Variants in CNTN5 observed in about 807,000 individuals in gnomAD.
CNTN5 encodes contactin 5, also known as contactin-5.
Under a neutral mutation model 129.1 loss-of-function variants are expected in CNTN5, and 77 were observed. That is an observed-to-expected ratio of 0.60 (90% CI 0.50 to 0.72). The LOEUF is 0.72. CNTN5 is among the 30% of genes least tolerant of loss of function. The pLI is 0.00. For synonymous variants in CNTN5, 509 were observed against 465.6 expected, an observed-to-expected ratio of 1.09 and a Z score of -1.20; for missense variants, 1,478 against 1,328.8, an observed-to-expected ratio of 1.11 and a Z score of -1.75.
intron 2 of CNTN5, among the ~76,000 whole-genome samples, chr11:99,469,054 T>G (rs2135267250): frequency 6.6e-6 from 1 of 151,564 alleles, no homozygotes; most frequent in South Asian, 2.1e-4. Flanking sequence ...AAGTTTAAAA[T>G]TAGCTTTTAT....
chr11:100,291,413 G>A (rs1239078109), intron 18 of CNTN5, among the ~76,000 whole-genome samples: 2 of 146,322 alleles, frequency 1.4e-5, no homozygotes, highest in African/African-American at 2.5e-5. Flanking sequence ...ATACACCATG[G>A]AATACTATGC....
chr11:100,053,783 T>C (rs1943082945), intron 9 of CNTN5, among the ~76,000 whole-genome samples: 1 of 151,808 alleles, frequency 6.6e-6, no homozygotes, highest in South Asian at 2.1e-4. Context: ...TTATTCATAA[T>C]AGCCTAAAAC....
chr11:99,548,197 A>G (rs1202147345), intron 2 of CNTN5, among the ~76,000 whole-genome samples: 1 of 152,198 alleles, frequency 6.6e-6, no homozygotes, highest in Admixed American at 6.5e-5. Flanking sequence ...TTGATTTAAT[A>G]GAAAGAGGTA....
chr11:100,328,975 T>C (rs1307085123), intron 21 of CNTN5, among the ~76,000 whole-genome samples: 1 of 152,116 alleles, frequency 6.6e-6, no homozygotes, highest in African/African-American at 2.4e-5. Context: ...CTTGAGATGC[T>C]AAAAAACTGA....
chr11:99,162,986 G>A (rs1860689932), intron 1 of CNTN5, among the ~76,000 whole-genome samples: 1 of 152,150 alleles, frequency 6.6e-6, no homozygotes, highest in South Asian at 2.1e-4. Flanking sequence ...TTCTTAATTT[G>A]ATATGCGACA....
At chr11:99,857,814 A>G (rs972892146) in intron 6 of CNTN5, among the ~76,000 whole-genome samples, 3 of 152,176 alleles carry the variant, frequency 2.0e-5, no homozygotes, top group East Asian at 1.9e-4. Flanking sequence ...ATATAGTTCT[A>G]TAATTCTAGC....
chr11:100,051,324 T>C (rs1326365280), intron 9 of CNTN5, among the ~76,000 whole-genome samples: 1 of 152,034 alleles, frequency 6.6e-6, no homozygotes, highest in African/African-American at 2.4e-5. Context: ...AATTAAATTA[T>C]GTATCAATAA....
intron 9 of CNTN5, among the ~76,000 whole-genome samples, chr11:100,022,717 T>A (rs571950301): frequency 6.6e-6 from 1 of 152,222 alleles, no homozygotes; most frequent in East Asian, 1.9e-4. Context: ...CTAATAATTA[T>A]GAATTATTTC....
chr11:100,241,212 TATTCGTAC>T (rs1299100977), intron 16 of CNTN5, among the ~76,000 whole-genome samples: 5 of 152,222 alleles, frequency 3.3e-5, no homozygotes, highest in Admixed American at 3.3e-4. Context: ...TATTTGTAAT[TATTCGTAC>T]CAGTTTGTAA....
intron 17 of CNTN5, among the ~76,000 whole-genome samples, chr11:100,269,107 A>C (rs1392268827): frequency 1.3e-5 from 2 of 152,238 alleles, no homozygotes; most frequent in Non-Finnish European, 2.9e-5. Context: ...ATGGAGACTG[A>C]TAAGGCGTAG....
chr11:100,165,357 A>G (rs1947594850), intron 13 of CNTN5, among the ~76,000 whole-genome samples: 1 of 151,776 alleles, frequency 6.6e-6, no homozygotes, highest in South Asian at 2.1e-4. Flanking sequence ...TTTCTCACAT[A>G]GCAGGTGCTC....
At chr11:100,349,314 C>G (rs1044742606) in intron 23 of CNTN5, among the ~76,000 whole-genome samples, 1 of 151,780 alleles carries the variant, frequency 6.6e-6, no homozygotes, top group Admixed American at 6.6e-5. Context: ...AAATATATGT[C>G]AATAATTATC....
intron 7 of CNTN5, among the ~76,000 whole-genome samples, chr11:99,946,721 G>A (rs11221996): frequency 0.41 from 62,503 of 151,662 alleles, 13,162 homozygotes; most frequent in African/African-American, 0.48. Context: ...GTTCAAAACA[G>A]TGGCCACTCA....
At chr11:99,552,565 C>T (rs1408318745) in intron 2 of CNTN5, among the ~76,000 whole-genome samples, 1 of 152,090 alleles carries the variant, frequency 6.6e-6, no homozygotes, top group Admixed American at 6.6e-5. Context: ...CTAGAAAGAA[C>T]AGTCTGCAAT....
At chr11:99,128,457 C>T (rs1858756984) in intron 1 of CNTN5, among the ~76,000 whole-genome samples, 1 of 145,772 alleles carries the variant, frequency 6.9e-6, no homozygotes, top group South Asian at 2.2e-4. Context: ...TCCAGCAATT[C>T]CAGCCAGGCC....
intron 2 of CNTN5, among the ~76,000 whole-genome samples, chr11:99,437,126 T>C (rs1257523913): frequency 1.3e-5 from 2 of 152,154 alleles, no homozygotes; most frequent in Non-Finnish European, 2.9e-5. Context: ...AGTAAAGAAT[T>C]GAAAATGAAA....
At chr11:99,891,010 T>G (rs1242123945) in intron 6 of CNTN5, among the ~76,000 whole-genome samples, 1 of 152,096 alleles carries the variant, frequency 6.6e-6, no homozygotes. Context: ...AAGGGAAGTA[T>G]GAGAAACTGT....
intron 1 of CNTN5, among the ~76,000 whole-genome samples, chr11:99,036,927 A>G (rs1046083119): frequency 2.0e-5 from 3 of 152,204 alleles, no homozygotes; most frequent in African/African-American, 7.2e-5. Flanking sequence ...ATTAACAGAA[A>G]CAAACCCATA....
chr11:99,491,216 A>G (rs912102973), intron 2 of CNTN5, among the ~76,000 whole-genome samples: 5 of 152,082 alleles, frequency 3.3e-5, no homozygotes, highest in African/African-American at 9.7e-5. Flanking sequence ...TGGAATTCCC[A>G]TATAGTGGTT....
Sources: gnomAD v4.1 joint callset for allele counts (sites outside exome capture counted in the v4.1 genomes callset) on GRCh38, gnomAD v4.1.1 for gene constraint, MANE v1.5 for transcripts, NCBI Gene and HGNC (gene_info 2026-07-23, HGNC 2026-07-21) for gene names.